TMTC2: variants seen among roughly 807,000 people sequenced by gnomAD.
TMTC2 encodes the protein transmembrane O-mannosyltransferase targeting cadherins 2.
In TMTC2, 43 loss-of-function variants were observed where a neutral mutation model predicts 82.4. The observed-to-expected ratio is 0.52, with a 90% CI of 0.41 to 0.67. The LOEUF (loss-of-function observed/expected upper bound fraction) is 0.67. TMTC2 is among the 30% of genes least tolerant of loss of function. The pLI, the probability that TMTC2 is intolerant of heterozygous loss-of-function variation, is 0.00. For missense variants in TMTC2, 919 were observed against 1,012.4 expected (o/e 0.91, Z 1.25); for synonymous variants, 408 against 381.9 (o/e 1.07, Z -0.80).
At chr12:82,956,278 G>T (rs2137287559) in intron 4 of TMTC2, among the ~76,000 whole-genome samples, 1 of 152,012 alleles carries the variant, frequency 6.6e-6, no homozygotes, top group Non-Finnish European at 1.5e-5. Context: ...TAGGCACAGA[G>T]TACCAAGTGG....
intron 11 of TMTC2, among the ~76,000 whole-genome samples, chr12:83,065,772 A>G (rs1882897538): frequency 6.6e-6 from 1 of 151,914 alleles, no homozygotes; most frequent in African/African-American, 2.4e-5. Flanking sequence ...ATTAAATGAA[A>G]CTGCTTTGTT....
intron 1 of TMTC2, among the ~76,000 whole-genome samples, chr12:82,805,702 TCACC>T (rs1482744384): frequency 6.6e-6 from 1 of 151,834 alleles, no homozygotes; most frequent in Non-Finnish European, 1.5e-5. Context: ...AGACGGGGTT[TCACC>T]CTGTTAGCCA....
intron 11 of TMTC2, among the ~76,000 whole-genome samples, chr12:83,069,505 C>T (rs927124297): frequency 1.3e-5 from 2 of 152,018 alleles, no homozygotes; most frequent in Admixed American, 1.3e-4. Flanking sequence ...CTTTTGAGAA[C>T]TGTCTATTCA....
intron 11 of TMTC2, among the ~76,000 whole-genome samples, chr12:83,081,805 G>A (rs1013017520): frequency 2.0e-5 from 3 of 152,210 alleles, no homozygotes; most frequent in South Asian, 2.1e-4. Flanking sequence ...TTGGGAGGCC[G>A]AGGCAGGAGC....
At chr12:83,069,461 G>C (rs1883032180) in intron 11 of TMTC2, among the ~76,000 whole-genome samples, 1 of 152,066 alleles carries the variant, frequency 6.6e-6, no homozygotes. Flanking sequence ...TGTTGAGCAT[G>C]TTTTCATATG....
chr12:82,888,873 A>C (rs1159573460), intron 2 of TMTC2, among the ~76,000 whole-genome samples: 2 of 152,220 alleles, frequency 1.3e-5, no homozygotes, highest in South Asian at 2.1e-4. Flanking sequence ...AGATGTTCTC[A>C]TAAAATTAAG....
At chr12:82,779,822 C>G (rs1332048532) in intron 1 of TMTC2, among the ~76,000 whole-genome samples, 1 of 152,088 alleles carries the variant, frequency 6.6e-6, no homozygotes, top group African/African-American at 2.4e-5. Flanking sequence ...ATTGCTTGAA[C>G]CAAGAGGCGG....
chr12:82,735,973 A>ACGT (rs908555450), intron 1 of TMTC2, among the ~76,000 whole-genome samples: 1 of 14,812 alleles, frequency 6.8e-5, no homozygotes, highest in Non-Finnish European at 3.3e-4. Flanking sequence ...ACTCCGTCAC[A>ACGT]CACACACACA....
At chr12:83,048,228 T>C (rs1291132126) in intron 9 of TMTC2, among the ~76,000 whole-genome samples, 1 of 152,172 alleles carries the variant, frequency 6.6e-6, no homozygotes, top group Non-Finnish European at 1.5e-5. Flanking sequence ...TGAAGCTATA[T>C]ATGAGGAGAT....
At chr12:82,935,192 A>C (rs1395207192) in intron 4 of TMTC2, among the ~76,000 whole-genome samples, 1 of 152,132 alleles carries the variant, frequency 6.6e-6, no homozygotes, top group Non-Finnish European at 1.5e-5. Flanking sequence ...GTGCTACCTA[A>C]GGCATTTTTA....
Position 82,820,161 on chromosome 12 carries a change from C to T in TMTC2, c.84-36849C>T, listed in dbSNP as rs545219452. ...CCATGTTCTTCTGCCTGCTTTTATT[C>T]TGGCTGTGCTGGCAGCTGATTAGAT... On this transcript the variant is annotated intron_variant, in intron 1 of 11. Transcript: ENST00000321196. Among the ~76,000 whole-genome samples, 33 of 152,212 alleles carry T rather than the reference C, an allele frequency of 2.2e-4. No homozygotes were observed. In the East Asian group the frequency reaches 4.3e-3, roughly 20 times the overall value.
chr12:82,875,399 G>A (rs988443652), intron 2 of TMTC2, among the ~76,000 whole-genome samples: 2 of 145,258 alleles, frequency 1.4e-5, no homozygotes, highest in African/African-American at 5.7e-5. Context: ...TTTTACAGCT[G>A]AGGAAGCAAA....
intron 1 of TMTC2, among the ~76,000 whole-genome samples, chr12:82,778,665 C>T (rs1041582620): frequency 7.2e-5 from 11 of 151,792 alleles, no homozygotes; most frequent in South Asian, 2.1e-4. Context: ...CCGGCTAAAA[C>T]GGTGAAACCC....
chr12:82,727,456 G>GT (rs916635063), intron 1 of TMTC2, among the ~76,000 whole-genome samples: 29 of 151,898 alleles, frequency 1.9e-4, no homozygotes, highest in Admixed American at 1.2e-3. Context: ...AAAATTTTCT[G>GT]TTTTTTTAAG....
chr12:82,971,788 T>C (rs1283946903), intron 7 of TMTC2, among the ~76,000 whole-genome samples: 1 of 142,750 alleles, frequency 7.0e-6, no homozygotes, highest in African/African-American at 2.6e-5. Context: ...CTATAATAAC[T>C]GTTTAGAATA....
chr12:82,951,646 A>G (rs1695054869), intron 4 of TMTC2, among the ~76,000 whole-genome samples: 1 of 152,172 alleles, frequency 6.6e-6, no homozygotes, highest in African/African-American at 2.4e-5. Context: ...AAAGAAGGGT[A>G]CATCTTTTAA....
At chr12:82,872,537 AC>A (rs1872255557) in intron 2 of TMTC2, among the ~76,000 whole-genome samples, 1 of 152,242 alleles carries the variant, frequency 6.6e-6, no homozygotes, top group Non-Finnish European at 1.5e-5. Flanking sequence ...CATTGCTAAT[AC>A]AGGAAAATAT....
chr12:82,997,682 T>C (rs1879728666), intron 8 of TMTC2, among the ~76,000 whole-genome samples: 3 of 151,666 alleles, frequency 2.0e-5, no homozygotes, highest in African/African-American at 7.2e-5. Flanking sequence ...CTGCCATTTT[T>C]GCTTTGATAG....
intron 1 of TMTC2, among the ~76,000 whole-genome samples, chr12:82,700,596 C>T (rs1873027910): frequency 6.6e-6 from 1 of 152,162 alleles, no homozygotes; most frequent in Non-Finnish European, 1.5e-5. Flanking sequence ...ATTATACACA[C>T]ACACAGGCAC....
Sources: allele counts gnomAD v4.1 joint callset (sites outside exome capture counted in the v4.1 genomes callset), GRCh38; gene constraint gnomAD v4.1.1; transcripts MANE v1.5; gene names NCBI Gene and HGNC (gene_info 2026-07-23, HGNC 2026-07-21).